Variants in MYO10 observed in about 807,000 individuals in gnomAD.
MYO10 encodes the protein myosin X, also known as unconventional myosin-X.
In MYO10, 133 loss-of-function variants were observed where a neutral mutation model predicts 257.3. The observed-to-expected ratio is 0.52, with a 90% CI of 0.45 to 0.60. The LOEUF (loss-of-function observed/expected upper bound fraction) is 0.60. Ranked by LOEUF, MYO10 falls within the 20% of genes least tolerant of loss-of-function variation. The pLI is 0.00. For synonymous variants in MYO10, 1,104 were observed against 1,028.6 expected (o/e 1.07, Z -1.40); for missense variants, 2,399 against 2,635.7 (o/e 0.91, Z 1.97).
At chr5:16,870,710 T>G (rs1174217897) in intron 2 of MYO10, among the ~76,000 whole-genome samples, 1 of 152,044 alleles carries the variant, frequency 6.6e-6, no homozygotes, top group Non-Finnish European at 1.5e-5. Context: ...CCGACCAACA[T>G]GGAGAAAGCC....
intron 2 of MYO10, among the ~76,000 whole-genome samples, chr5:16,870,260 C>T (rs1196604054): frequency 6.6e-6 from 1 of 151,456 alleles, no homozygotes; most frequent in Non-Finnish European, 1.5e-5. Flanking sequence ...TCCTTCTTTG[C>T]TTTATCTTTG....
intron 21 of MYO10, among the ~76,000 whole-genome samples, chr5:16,707,429 G>A (rs1002191911): frequency 5.1e-4 from 77 of 152,304 alleles, no homozygotes; most frequent in African/African-American, 1.8e-3. Context: ...CCACTCAGGC[G>A]CTGCTTGGCT....
In MYO10 at chr5:16,865,332, G is replaced by A. The variant is rs965173993; in HGVS notation, c.120+12277C>T. ...CCACCCACCCCGATATTCATAGCAC[G>A]TGGCCAGGGCTCAGCGGTCTGGCAT... On this transcript the variant is annotated intron_variant, in intron 2 of 40. Coordinates refer to ENST00000513610, the MANE Select transcript of MYO10 (RefSeq NM_012334.3). Among the ~76,000 whole-genome samples the A allele has an allele frequency of 9.9e-5, 15 of 152,102 alleles. No homozygotes were observed. The East Asian group carries it at 1.4e-3, about 14-fold the overall frequency.
chr5:16,777,342 T>C (rs759779639), intron 9 of MYO10, among the ~76,000 whole-genome samples: 2 of 152,156 alleles, frequency 1.3e-5, no homozygotes, highest in Non-Finnish European at 2.9e-5. Context: ...AACAATCATG[T>C]ATATAGCCTA....
At chr5:16,825,522 A>T (rs1742975242) in intron 2 of MYO10, among the ~76,000 whole-genome samples, 1 of 151,994 alleles carries the variant, frequency 6.6e-6, no homozygotes, top group Admixed American at 6.6e-5. Context: ...TTTATATCCT[A>T]TTTCATTTCT....
intron 1 of MYO10, among the ~76,000 whole-genome samples, chr5:16,897,953 T>C (rs1745261285): frequency 6.6e-6 from 1 of 152,204 alleles, no homozygotes; most frequent in East Asian, 1.9e-4. Flanking sequence ...CCTAATCATC[T>C]CAAGAACCCC....
At chr5:16,785,458 A>G (rs25902) in intron 4 of MYO10, among the ~76,000 whole-genome samples, 30,008 of 152,284 alleles carry the variant, frequency 0.2, 3,274 homozygotes, top group African/African-American at 0.3. Flanking sequence ...CAAAAACTAG[A>G]AGGTTAAGTT....
In MYO10 at chr5:16,681,851, G is replaced by C. The variant is rs368581565; in HGVS notation, c.4189+20C>G. On this transcript the variant is annotated intron_variant, in intron 31 of 40. Transcript: ENST00000513610. ...AGGGGAGTCTGTTAAGCAGACCGAGGAAGCAGGGCAGGCAGTCACCTCTCA... is the reference window on the plus strand; with the variant it reads ...AGGGGAGTCTGTTAAGCAGACCGAGCAAGCAGGGCAGGCAGTCACCTCTCA... 8.7e-6 allele frequency: 14 copies of C among 1,611,850 alleles called. No homozygotes were observed. Among genetic ancestry groups the C allele is most frequent in the Non-Finnish European group, 1.1e-5 (13 of 1,178,758 alleles).
chr5:16,776,889 G>T (rs1373056002), intron 9 of MYO10, among the ~76,000 whole-genome samples: 1 of 152,186 alleles, frequency 6.6e-6, no homozygotes, highest in African/African-American at 2.4e-5. Context: ...CTGCCATGTG[G>T]ATAATCAGGT....
At position 16,662,202 on chromosome 5, in the gene MYO10, C is replaced by A. The variant is rs1736009133; in HGVS notation, c.*4490G>T. On this transcript the variant is annotated 3_prime_UTR_variant, in exon 41 of 41. Transcript: ENST00000513610. ...TTAATTAAAGCGCTTATTTTTATAC[C>A]CAATACACACAAATACAGAACTTTA... is the stretch of plus-strand genomic sequence containing the variant. 2 of 151,600 alleles carry A rather than the reference C, an allele frequency of 1.3e-5. No individual in the cohort carries two copies. 9.4% of individuals were successfully genotyped at this position (151,600 alleles called of 1,614,324 possible).
chr5:16,829,614 C>T (rs1743105161), intron 2 of MYO10, among the ~76,000 whole-genome samples: 1 of 152,176 alleles, frequency 6.6e-6, no homozygotes, highest in Non-Finnish European at 1.5e-5. Flanking sequence ...AACCATCCAG[C>T]TCAAACCTTT....
At chr5:16,724,455 G>A (rs1739274668) in intron 19 of MYO10, among the ~76,000 whole-genome samples, 1 of 152,118 alleles carries the variant, frequency 6.6e-6, no homozygotes, top group Non-Finnish European at 1.5e-5. Flanking sequence ...GAAAATCTCA[G>A]GGTCCTGACA....
intron 3 of MYO10, chr5:16,814,581 A>T (rs2126700973): frequency 6.6e-6 from 1 of 152,240 alleles, no homozygotes; most frequent in East Asian, 1.9e-4. Flanking sequence ...CATTGCTCCG[A>T]GCCAGGATCA....
intron 2 of MYO10, among the ~76,000 whole-genome samples, chr5:16,856,117 T>C (rs75422947): frequency 0.012 from 1,846 of 152,338 alleles, 34 homozygotes; most frequent in Middle Eastern, 0.034. Flanking sequence ...CAAGTCTTCA[T>C]CTAGGAAACC....
At chr5:16,929,885 G>C (rs1322258846) in intron 1 of MYO10, among the ~76,000 whole-genome samples, 1 of 151,976 alleles carries the variant, frequency 6.6e-6, no homozygotes, top group African/African-American at 2.4e-5. Flanking sequence ...AGAAACACTA[G>C]CCATATTTAT....
intron 26 of MYO10, among the ~76,000 whole-genome samples, chr5:16,698,104 C>T (rs971706690): frequency 1.1e-4 from 17 of 152,230 alleles, no homozygotes; most frequent in Non-Finnish European, 2.4e-4. Flanking sequence ...GGCATGGTGG[C>T]TCATGCCTGC....
chr5:16,809,422 C>T (rs1157055723), intron 3 of MYO10, among the ~76,000 whole-genome samples: 4 of 152,254 alleles, frequency 2.6e-5, no homozygotes, highest in African/African-American at 9.6e-5. Context: ...AAATGAAACA[C>T]AGATTTCAAT....
intron 36 of MYO10, among the ~76,000 whole-genome samples, chr5:16,673,068 G>A (rs1164060826): frequency 1.3e-5 from 2 of 152,168 alleles, no homozygotes. Context: ...CATCGGTAGA[G>A]GCAGATGCTG....
chr5:16,705,904 G>A (rs1280863855), intron 21 of MYO10, among the ~76,000 whole-genome samples: 11 of 152,006 alleles, frequency 7.2e-5, no homozygotes, highest in South Asian at 4.2e-4. Context: ...TCTGTTGGCC[G>A]GGCGCAGTGG....
Sources: gnomAD v4.1 joint callset for allele counts (sites outside exome capture counted in the v4.1 genomes callset) on GRCh38, gnomAD v4.1.1 for gene constraint, MANE v1.5 for transcripts, NCBI Gene and HGNC (gene_info 2026-07-23, HGNC 2026-07-21) for gene names.